PRSS12: variants seen among roughly 807,000 people sequenced by gnomAD.
The protein encoded by PRSS12 is neurotrypsin.
Under a neutral mutation model 104.4 loss-of-function variants are expected in PRSS12, and 85 were observed. The observed-to-expected ratio is 0.81, with a 90% CI of 0.68 to 0.98. The LOEUF is 0.98. PRSS12 is among the 50% of genes least tolerant of loss of function. PRSS12 has a pLI of 0.00. For missense variants in PRSS12, 1,141 were observed against 1,139.2 expected (o/e 1.00, Z -0.02); for synonymous variants, 454 against 425.2 (o/e 1.07, Z -0.83).
At chr4:118,286,423 G>C (rs945527135) in intron 11 of PRSS12, among the ~76,000 whole-genome samples, 12 of 152,126 alleles carry the variant, frequency 7.9e-5, no homozygotes, top group Non-Finnish European at 1.8e-4. Context: ...GGCAAAACCT[G>C]ATTTTGTCCT....
rs1167862682 is a variant in PRSS12, at chr4:118,352,492, G to A, written c.229C>T (p.Pro77Ser). Residue 77 changes from proline (P) to serine (S), a missense_variant, in exon 1 of 13, where the codon CCG becomes TCG. Coordinates refer to ENST00000296498, the MANE Select transcript of PRSS12 (RefSeq NM_003619.4). ...GTGTGCCCGGCCTGGAGGGCGTGCG[G>A]GCGCTGGGCAGGGAGCGCCCGCGGG... Reference protein sequence around the residue: ...RPPRALPAQRPHALQAGHTPR... With the variant: ...RPPRALPAQRSHALQAGHTPR... The A allele has an allele frequency of 1.5e-6, 2 of 1,379,210 alleles. No homozygotes were observed. The highest frequency in any genetic ancestry group is 3.0e-5 in the East Asian group (1 of 33,040). 85.4% of individuals were successfully genotyped at this position (1,379,210 alleles called of 1,614,324 possible). A position where few individuals can be genotyped will look rare whatever the true frequency, so the allele number is the denominator to read the frequency against.
chr4:118,282,776 A>T, intron 12 of PRSS12, 55 bp downstream of exon 12: 2 of 1,609,974 alleles, frequency 1.2e-6, no homozygotes, highest in South Asian at 2.2e-5. Flanking sequence ...ACACCCAAAT[A>T]TATGGATAAT....
Position 118,282,920 on chromosome 4 carries a change from C to T in PRSS12, c.2231G>A (p.Ser744Asn), listed in dbSNP as rs1742919762. 6.2e-7 allele frequency: 1 copy of T among 1,614,188 alleles called. No homozygotes were observed. The highest frequency in any genetic ancestry group is 8.5e-7 in the Non-Finnish European group (1 of 1,180,052). The change falls in exon 12 of 13, where the codon AGC becomes AAC. Residue 744 changes from serine to asparagine, a missense_variant. Transcript: ENST00000296498. ...TGGTAAACAGGCTGGCAAAACATGG[C>T]TGCTGAATCTGGCACATTGCTCTTC... Reference protein sequence around the residue: ...GPEEQCARFSSHVLPACLPLW... With the variant: ...GPEEQCARFSNHVLPACLPLW...
intron 8 of PRSS12, among the ~76,000 whole-genome samples, chr4:118,306,972 T>C (rs1413782591): frequency 6.6e-6 from 1 of 152,006 alleles, no homozygotes; most frequent in Non-Finnish European, 1.5e-5. Context: ...AAAATTAAAA[T>C]ATGGCCAAGA....
chr4:118,311,827 C>G (rs1049654114), intron 7 of PRSS12, among the ~76,000 whole-genome samples: 1 of 152,152 alleles, frequency 6.6e-6, no homozygotes, highest in South Asian at 2.1e-4. Flanking sequence ...TTTAACAACA[C>G]AGGCCTACAG....
At chr4:118,340,521 G>T (rs1053781252) in intron 1 of PRSS12, among the ~76,000 whole-genome samples, 30 of 152,266 alleles carry the variant, frequency 2.0e-4, no homozygotes, top group Non-Finnish European at 4.0e-4. Context: ...GACTCAGAAT[G>T]AGTATTTATA....
intron 1 of PRSS12, among the ~76,000 whole-genome samples, chr4:118,350,249 C>T (rs1440571882): frequency 1.3e-5 from 2 of 152,208 alleles, no homozygotes; most frequent in Non-Finnish European, 2.9e-5. Context: ...TGCACAGCTA[C>T]TGGCAGAGCC....
intron 11 of PRSS12, among the ~76,000 whole-genome samples, chr4:118,288,339 G>A (rs1419327977): frequency 6.6e-6 from 1 of 152,154 alleles, no homozygotes; most frequent in Non-Finnish European, 1.5e-5. Context: ...GGTGATATGT[G>A]TATTACCAAA....
At chr4:118,341,597 A>G (rs1483286275) in intron 1 of PRSS12, among the ~76,000 whole-genome samples, 1 of 151,998 alleles carries the variant, frequency 6.6e-6, no homozygotes, top group Non-Finnish European at 1.5e-5. Context: ...CAGGAGAATC[A>G]CTTGAACCCG....
At position 118,280,087 on chromosome 4, in the gene PRSS12, T is replaced by G. The variant is rs1477044794; in HGVS notation, c.*1849A>C. Reference sequence around the variant, plus strand: ...ATTTACACAAATATGCACAGAACACTTGTATCTTTCAAAAGTCACACTTAA... The same window carrying G: ...ATTTACACAAATATGCACAGAACACGTGTATCTTTCAAAAGTCACACTTAA... On this transcript the variant is annotated 3_prime_UTR_variant, in exon 13 of 13. Coordinates refer to ENST00000296498, the MANE Select transcript of PRSS12 (RefSeq NM_003619.4). 3 of 152,268 alleles carry G rather than the reference T, an allele frequency of 2.0e-5. No individual in the cohort carries two copies. Among genetic ancestry groups the G allele is most frequent in the Non-Finnish European group, 4.4e-5 (3 of 68,050 alleles). 9.4% of individuals were successfully genotyped at this position (152,268 alleles called of 1,614,324 possible).
chr4:118,333,205 T>C (rs555915849), intron 3 of PRSS12, among the ~76,000 whole-genome samples: 1 of 152,302 alleles, frequency 6.6e-6, no homozygotes, highest in Admixed American at 6.5e-5. Flanking sequence ...CTAATTTTAC[T>C]AGAATAAAGG....
intron 7 of PRSS12, among the ~76,000 whole-genome samples, chr4:118,309,047 T>C (rs1743636214): frequency 6.6e-6 from 1 of 151,496 alleles, no homozygotes; most frequent in Admixed American, 6.6e-5. Flanking sequence ...CATTCATAGT[T>C]GGGTAACTTG....
chr4:118,341,063 G>T (rs1044005394), intron 1 of PRSS12, among the ~76,000 whole-genome samples: 10 of 152,124 alleles, frequency 6.6e-5, no homozygotes, highest in African/African-American at 2.4e-4. Flanking sequence ...GACATGAGGG[G>T]AGTTGAGTAA....
intron 10 of PRSS12, 77 bp from the exon 11 acceptor site, chr4:118,295,138 C>T (rs781080768): frequency 9.4e-6 from 14 of 1,484,452 alleles, no homozygotes; most frequent in Non-Finnish European, 1.2e-5. Flanking sequence ...AAAGCAATGG[C>T]TTTAATAACT....
chr4:118,327,989 T>C (rs908724132), intron 4 of PRSS12, among the ~76,000 whole-genome samples: 1 of 152,200 alleles, frequency 6.6e-6, no homozygotes, highest in Non-Finnish European at 1.5e-5. Context: ...TGATGTAGTT[T>C]CCCTGTGGGA....
At chr4:118,287,780 A>G (rs768264660) in intron 11 of PRSS12, among the ~76,000 whole-genome samples, 1 of 152,216 alleles carries the variant, frequency 6.6e-6, no homozygotes, top group Non-Finnish European at 1.5e-5. Flanking sequence ...AGGTCTTTCT[A>G]GTTGAACTTT....
Position 118,352,621 on chromosome 4 carries a change from G to T in PRSS12, c.100C>A (p.Arg34Ser). The change falls in exon 1 of 13, where the codon CGC becomes AGC. Residue 34 changes from arginine to serine, a missense_variant. Coordinates refer to ENST00000296498, the MANE Select transcript of PRSS12 (RefSeq NM_003619.4). ...VLNDSLHHSHRHSPPAGPHYP... is the reference protein window; with the variant it reads ...VLNDSLHHSHSHSPPAGPHYP... ...TGCGGACCCGCAGGGGGCGAATGGC[G>T]GTGGCTGTGGTGGAGGGAATCATTG... 1 of 1,611,606 alleles carries T rather than the reference G, an allele frequency of 6.2e-7. No homozygotes were observed. The highest frequency in any genetic ancestry group is 1.1e-5 in the South Asian group (1 of 90,564).
intron 9 of PRSS12, among the ~76,000 whole-genome samples, chr4:118,296,071 A>C (rs952773628): frequency 6.6e-6 from 1 of 152,052 alleles, no homozygotes; most frequent in African/African-American, 2.4e-5. Flanking sequence ...CCCATTCTTC[A>C]CCTCTGAGGG....
chr4:118,298,432 C>A (rs1270002254), intron 9 of PRSS12, among the ~76,000 whole-genome samples: 14 of 152,052 alleles, frequency 9.2e-5, no homozygotes. Context: ...AAGATAGCAA[C>A]AAGCATGAGA....
Sources: gnomAD v4.1 joint callset for allele counts (sites outside exome capture counted in the v4.1 genomes callset) on GRCh38, gnomAD v4.1.1 for gene constraint, MANE v1.5 for transcripts, NCBI Gene and HGNC (gene_info 2026-07-23, HGNC 2026-07-21) for gene names.